The following CCDC91 variants were observed in gnomAD, a reference collection of about 807,000 sequenced individuals.
The protein encoded by CCDC91 is coiled-coil domain containing 91.
A neutral mutation model predicts 63.2 loss-of-function variants in CCDC91; 48 were observed. That is an observed-to-expected ratio of 0.76 (90% CI 0.60 to 0.97). CCDC91 has a LOEUF of 0.97. CCDC91 is among the 50% of genes least tolerant of loss of function. The probability of loss-of-function intolerance (pLI) is 0.00; values close to 1 mark genes in which losing one functional copy is unlikely to be tolerated. For synonymous variants in CCDC91, 167 were observed against 165.8 expected (o/e 1.01, Z -0.06); for missense variants, 500 against 494.6 (o/e 1.01, Z -0.10).
At chr12:28,191,631 C>T (rs1382648697) in intron 1 of CCDC91, among the ~76,000 whole-genome samples, 1 of 72,722 alleles carries the variant, frequency 1.4e-5, no homozygotes, top group Admixed American at 1.1e-4. Context: ...GGCAACCCTT[C>T]CCCCCCCCAC....
At chr12:28,211,015 C>T (rs185819705) in intron 1 of CCDC91, among the ~76,000 whole-genome samples, 9 of 133,674 alleles carry the variant, frequency 6.7e-5, no homozygotes, top group South Asian at 2.4e-4. Context: ...TCTTGAACAG[C>T]GAGGCTTCCA....
intron 6 of CCDC91, among the ~76,000 whole-genome samples, chr12:28,315,346 A>G (rs1398441842): frequency 2.0e-5 from 3 of 151,762 alleles, no homozygotes; most frequent in African/African-American, 7.3e-5. Flanking sequence ...TTGTATTTTT[A>G]GTAGAGATGC....
chr12:28,249,295 A>G (rs1418837154), intron 1 of CCDC91, among the ~76,000 whole-genome samples: 1 of 152,174 alleles, frequency 6.6e-6, no homozygotes, highest in Non-Finnish European at 1.5e-5. Context: ...GTAATTGGAT[A>G]TTATTGGTGG....
intron 7 of CCDC91, among the ~76,000 whole-genome samples, chr12:28,376,953 A>AT (rs1267088880): frequency 6.6e-6 from 1 of 151,802 alleles, no homozygotes; most frequent in Non-Finnish European, 1.5e-5. Flanking sequence ...CACTCAAGAA[A>AT]TTAAGTTCAA....
chr12:28,369,080 A>T (rs867329127), intron 7 of CCDC91, among the ~76,000 whole-genome samples: 14 of 152,252 alleles, frequency 9.2e-5, no homozygotes, highest in Middle Eastern at 3.4e-3. Context: ...CTCACATTTC[A>T]AAATACAATT....
At chr12:28,206,106 T>C (rs999494081) in intron 1 of CCDC91, among the ~76,000 whole-genome samples, 1 of 152,198 alleles carries the variant, frequency 6.6e-6, no homozygotes, top group African/African-American at 2.4e-5. Context: ...ATCTATGTGT[T>C]TCCTTAAAGT....
chr12:28,313,903 G>C (rs1447847826), intron 6 of CCDC91, among the ~76,000 whole-genome samples: 1 of 151,990 alleles, frequency 6.6e-6, no homozygotes, highest in Non-Finnish European at 1.5e-5. Flanking sequence ...TTTGACTCCT[G>C]TAACAAGTGG....
rs140236181 is a variant in CCDC91, at chr12:28,364,670, C to T, written c.654+2155C>T. 3.5e-4 allele frequency among the ~76,000 whole-genome samples: 53 copies of T among 152,062 alleles called. 1 individual carries two copies. Among genetic ancestry groups the T allele is most frequent in the Admixed American group, 9.2e-4 (14 of 15,274 alleles). On this transcript the variant is annotated intron_variant, in intron 7 of 12. Transcript: ENST00000536442. ...AAAAGCAATAAAAATAACAGTACAA[C>T]GGTAAAAAGTAACACAAATTACTTG...
intron 8 of CCDC91, among the ~76,000 whole-genome samples, chr12:28,412,523 G>A (rs780678714): frequency 9.2e-5 from 14 of 152,224 alleles, no homozygotes; most frequent in Admixed American, 6.5e-5. Flanking sequence ...TGGTGGGATC[G>A]TGGTCTTGCT....
In CCDC91 at chr12:28,272,004, C is replaced by G. The variant is rs536037343; in HGVS notation, c.109+12562C>G. 3.3e-5 allele frequency among the ~76,000 whole-genome samples: 5 copies of G among 151,542 alleles called. No homozygotes were observed. In the South Asian group the frequency reaches 1.0e-3, roughly 31 times the overall value. ...ACTTATTCTTGTTAGATAGATTCCT[C>G]TAGCTTTTAAATTGACAGTTATTTC... On this transcript the variant is annotated intron_variant, in intron 3 of 12. Coordinates refer to ENST00000536442, the MANE Select transcript of CCDC91 (RefSeq NM_018318.5).
At chr12:28,201,569 T>C (rs880000952) in intron 1 of CCDC91, among the ~76,000 whole-genome samples, 1 of 127,366 alleles carries the variant, frequency 7.9e-6, no homozygotes, top group African/African-American at 3.0e-5. Flanking sequence ...GAGGGGCTCC[T>C]CACGTCCCAG....
chr12:28,196,192 G>C (rs11049437), intron 1 of CCDC91, among the ~76,000 whole-genome samples: 1 of 152,012 alleles, frequency 6.6e-6, no homozygotes, highest in Admixed American at 6.6e-5. Flanking sequence ...AAAATGTTGC[G>C]CATATTTTGT....
intron 8 of CCDC91, among the ~76,000 whole-genome samples, chr12:28,439,324 T>C (rs1409163484): frequency 1.3e-5 from 2 of 152,174 alleles, no homozygotes; most frequent in African/African-American, 2.4e-5. Context: ...GGCCCATAAA[T>C]GGGTGAAATG....
intron 1 of CCDC91, among the ~76,000 whole-genome samples, chr12:28,253,578 C>T (rs149397207): frequency 6.6e-6 from 1 of 152,160 alleles, no homozygotes; most frequent in Non-Finnish European, 1.5e-5. Flanking sequence ...TGAGGATTCT[C>T]TTATGTATTC....
intron 11 of CCDC91, among the ~76,000 whole-genome samples, chr12:28,458,254 C>T (rs1368749527): frequency 1.3e-5 from 2 of 151,718 alleles, no homozygotes; most frequent in African/African-American, 4.8e-5. Flanking sequence ...ATAATAAAAT[C>T]ATAATGACAT....
chr12:28,336,663 G>A (rs1427162861), intron 6 of CCDC91, among the ~76,000 whole-genome samples: 1 of 152,052 alleles, frequency 6.6e-6, no homozygotes, highest in African/African-American at 2.4e-5. Context: ...GAAATGAAGA[G>A]TCATTTTTGG....
chr12:28,351,852 A>G (rs1277621735), intron 6 of CCDC91, among the ~76,000 whole-genome samples: 2 of 151,952 alleles, frequency 1.3e-5, no homozygotes, highest in Non-Finnish European at 2.9e-5. Context: ...GGCTTGCTGT[A>G]TTTCTCTTAG....
intron 8 of CCDC91, among the ~76,000 whole-genome samples, chr12:28,438,477 T>A (rs1190410264): frequency 1.3e-5 from 2 of 152,150 alleles, no homozygotes; most frequent in Non-Finnish European, 2.9e-5. Flanking sequence ...TCCAAAACTG[T>A]GGGAATTTTT....
intron 8 of CCDC91, among the ~76,000 whole-genome samples, chr12:28,424,940 G>C (rs1045084063): frequency 6.6e-5 from 10 of 152,032 alleles, no homozygotes; most frequent in African/African-American, 1.7e-4. Context: ...CATTATATAT[G>C]ATGTGAGGCA....
Sources: allele counts gnomAD v4.1 joint callset (sites outside exome capture counted in the v4.1 genomes callset), GRCh38; gene constraint gnomAD v4.1.1; transcripts MANE v1.5; gene names NCBI Gene and HGNC (gene_info 2026-07-23, HGNC 2026-07-21).